The following PCYT1B variants were observed in gnomAD, a reference collection of about 807,000 sequenced individuals.
PCYT1B encodes choline-phosphate cytidylyltransferase B.
Under a neutral mutation model 26.4 loss-of-function variants are expected in PCYT1B, and 10 were observed. The ratio of observed to expected loss-of-function variants is 0.38; its 90% CI spans 0.23 to 0.64. The LOEUF (loss-of-function observed/expected upper bound fraction) is 0.64. PCYT1B is among the 30% of genes least tolerant of loss of function. The pLI is 0.56. For missense variants in PCYT1B, 161 were observed against 292.7 expected (o/e 0.55, Z 3.28); for synonymous variants, 131 against 108.4 (o/e 1.21, Z -1.29).
chrX:24,637,536 C>T (rs1362421765), intron 1 of PCYT1B, among the ~76,000 whole-genome samples: 1 of 84,307 alleles, frequency 1.2e-5, no homozygotes, highest in African/African-American at 5.5e-5. Flanking sequence ...TGGTGGCGTG[C>T]ACCTGTAATC....
At chrX:24,576,607 T>C (rs1443243286) in intron 6 of PCYT1B, among the ~76,000 whole-genome samples, 4 of 112,048 alleles carry the variant, frequency 3.6e-5, no homozygotes, top group Non-Finnish European at 7.5e-5. Flanking sequence ...GCCTGGCCTG[T>C]GTTTCGGAAG....
intron 2 of PCYT1B, among the ~76,000 whole-genome samples, chrX:24,611,119 G>A (rs1925294896): frequency 9.0e-6 from 1 of 111,230 alleles, no homozygotes; most frequent in African/African-American, 3.3e-5. Flanking sequence ...AGGAAGTCTG[G>A]GATTTTGTTT....
Position 24,590,019 on chromosome X carries a change from G to A in PCYT1B, c.486+4C>T, listed in dbSNP as rs1261303755. ...CTTAGAGAATGTGGGAGAATGAGAA[G>A]TACCTTGTGTTTTTCCAGAAACTCT... On this transcript the variant is annotated splice_donor_region_variant and intron_variant, in intron 4 of 7. Coordinates refer to ENST00000379144, the MANE Select transcript of PCYT1B (RefSeq NM_004845.5). 5.0e-6 allele frequency: 6 copies of A among 1,195,057 alleles called. No homozygotes were observed. Among genetic ancestry groups the A allele is most frequent in the Non-Finnish European group, 6.8e-6 (6 of 885,237 alleles).
chrX:24,574,588 T>A (rs1423733841), intron 7 of PCYT1B, among the ~76,000 whole-genome samples: 1 of 111,693 alleles, frequency 9.0e-6, no homozygotes, highest in African/African-American at 3.3e-5. Flanking sequence ...TGGGCACAGA[T>A]GCAGGGCAAA....
intron 1 of PCYT1B, among the ~76,000 whole-genome samples, chrX:24,667,182 C>T (rs149768943): frequency 0.023 from 2,500 of 110,532 alleles, 30 homozygotes; most frequent in Admixed American, 0.05. Flanking sequence ...GCCTTTGCTC[C>T]ACCTGTCAAT....
At chrX:24,628,337 A>ACC (rs1925945722) in intron 1 of PCYT1B, among the ~76,000 whole-genome samples, 1 of 111,754 alleles carries the variant, frequency 8.9e-6, no homozygotes, top group African/African-American at 3.3e-5. Flanking sequence ...TACCTGGCAT[A>ACC]TAGAAGGTCC....
rs182314961 is a variant in PCYT1B, at chrX:24,559,761, C to T, written c.*2532G>A. On this transcript the variant is annotated 3_prime_UTR_variant, in exon 8 of 8. Coordinates refer to ENST00000379144, the MANE Select transcript of PCYT1B (RefSeq NM_004845.5). ...CTGCTGGCCCTAACAAAGTGCAACC[C>T]GGTCTCTGCCTGGGAGCAGGGAGGT... The T allele has an allele frequency of 5.4e-5, 6 of 112,014 alleles. No individual in the cohort carries two copies. Among genetic ancestry groups the T allele is most frequent in the South Asian group, 7.5e-4 (2 of 2,662 alleles). The allele number at this position is 112,014 out of a possible 1,213,427, so 9.2% of individuals were successfully genotyped here. A position where few individuals can be genotyped will look rare whatever the true frequency, so the allele number is the denominator to read the frequency against.
intron 1 of PCYT1B, among the ~76,000 whole-genome samples, chrX:24,668,899 C>G (rs1927180240): frequency 9.0e-6 from 1 of 110,827 alleles, no homozygotes; most frequent in Non-Finnish European, 1.9e-5. Context: ...TAAGTGAGTG[C>G]TTCTGGAGTT....
In PCYT1B at chrX:24,591,485, G is replaced by A. The variant is rs1208714519; in HGVS notation, c.335-1311C>T. ...GTCACCCAGGCTGGAGTTCAGTGGC[G>A]TGATCTTGGCTCACTGCAACCTCCA... On this transcript the variant is annotated intron_variant, in intron 3 of 7. Coordinates refer to ENST00000379144, the MANE Select transcript of PCYT1B (RefSeq NM_004845.5). 4.5e-5 allele frequency among the ~76,000 whole-genome samples: 5 copies of A among 110,602 alleles called. No homozygotes were observed. In the East Asian group the frequency reaches 8.5e-4, roughly 19 times the overall value.
intron 5 of PCYT1B, among the ~76,000 whole-genome samples, chrX:24,581,341 A>AG (rs1371496535): frequency 3.4e-4 from 38 of 111,217 alleles, no homozygotes; most frequent in African/African-American, 1.1e-3. Context: ...ATACAACTGC[A>AG]GGGGGGGACT....
chrX:24,579,070 T>A (rs1432978871), intron 6 of PCYT1B, among the ~76,000 whole-genome samples: 1 of 109,192 alleles, frequency 9.2e-6, no homozygotes, highest in Middle Eastern at 4.3e-3. Context: ...GGAGGATCGC[T>A]TGAGCCCAGG....
chrX:24,660,781 A>G (rs1927014292), intron 1 of PCYT1B, among the ~76,000 whole-genome samples: 1 of 111,487 alleles, frequency 9.0e-6, no homozygotes, highest in Non-Finnish European at 1.9e-5. Flanking sequence ...TGCTTTGAGA[A>G]GATATTCTCT....
chrX:24,607,821 G>A lies in PCYT1B; in HGVS notation c.258C>T (p.Asp86=). ...PVRVYADGIF[D]LFHSGHARAL... ...CTCTTGCATGACCTGAGTGGAAGAG[G>A]TCAAATATTCCATCGGCGTATACTC... Residue 86 remains aspartate (D), a synonymous_variant, in exon 3 of 8, where the codon GAC becomes GAT. Coordinates refer to ENST00000379144, the MANE Select transcript of PCYT1B (RefSeq NM_004845.5). The A allele has an allele frequency of 1.7e-6, 2 of 1,196,664 alleles. No individual in the cohort carries two copies. The highest frequency in any genetic ancestry group is 2.3e-6 in the Non-Finnish European group (2 of 883,863).
chrX:24,565,481 C>A (rs987862295), intron 7 of PCYT1B, among the ~76,000 whole-genome samples: 6 of 109,917 alleles, frequency 5.5e-5, no homozygotes. Context: ...GGAGTGGGTC[C>A]ATGGGGGCTA....
chrX:24,564,130 C>T (rs748165997), intron 7 of PCYT1B, among the ~76,000 whole-genome samples: 3 of 107,792 alleles, frequency 2.8e-5, no homozygotes, highest in Non-Finnish European at 5.8e-5. Context: ...TGCAGTGAGC[C>T]GAGATGGCGC....
At chrX:24,589,933 TGA>T in intron 4 of PCYT1B, 88 bp downstream of exon 4, 1 of 765,986 alleles carries the variant, frequency 1.3e-6, no homozygotes, top group Non-Finnish European at 1.9e-6. Context: ...TTTTAGAAAT[TGA>T]GAGAGACTTT....
At chrX:24,653,174 A>C (rs765141230) in intron 1 of PCYT1B, among the ~76,000 whole-genome samples, 39 of 112,180 alleles carry the variant, frequency 3.5e-4, no homozygotes, top group African/African-American at 1.2e-3. Context: ...GCCATTGAAA[A>C]TAATGACAAA....
chrX:24,609,220 G>C (rs2148247456), intron 2 of PCYT1B, among the ~76,000 whole-genome samples: 1 of 110,145 alleles, frequency 9.1e-6, no homozygotes, highest in East Asian at 2.8e-4. Context: ...GCCCAGGCTG[G>C]AGTGCAGTGG....
rs923832270 is a variant in PCYT1B, at chrX:24,624,137, T to G, written c.118-5053A>C. Among the ~76,000 whole-genome samples the G allele has an allele frequency of 8.2e-5, 9 of 109,573 alleles. 1 individual carries two copies. In the South Asian group the frequency reaches 3.6e-3, roughly 44 times the overall value. Reference sequence around the variant, plus strand: ...GGAGCCCGCCACCACACCCGGCTAATTTTTTGTATTTTTAGTAGAGACAGG... The same window carrying G: ...GGAGCCCGCCACCACACCCGGCTAAGTTTTTGTATTTTTAGTAGAGACAGG... On this transcript the variant is annotated intron_variant, in intron 1 of 7. Transcript: ENST00000379144.
Sources: allele counts gnomAD v4.1 joint callset (sites outside exome capture counted in the v4.1 genomes callset), GRCh38; gene constraint gnomAD v4.1.1; transcripts MANE v1.5; gene names NCBI Gene and HGNC (gene_info 2026-07-23, HGNC 2026-07-21).